The following ZBTB8A variants were observed in gnomAD, a reference collection of about 807,000 sequenced individuals.
The protein encoded by ZBTB8A is zinc finger and BTB domain-containing protein 8A.
A neutral mutation model predicts 37.8 loss-of-function variants in ZBTB8A; 19 were observed. That is an observed-to-expected ratio of 0.50 (90% confidence interval 0.35 to 0.74). The LOEUF (loss-of-function observed/expected upper bound fraction) is 0.74. Among genes scored for constraint, ZBTB8A ranks in the 30% least tolerant of loss-of-function variants. ZBTB8A has a pLI of 0.01. For synonymous variants in ZBTB8A, 181 were observed against 185.2 expected (o/e 0.98, Z 0.19); for missense variants, 394 against 537.8 (o/e 0.73, Z 2.65).
chr1:32,592,902 G>C, intron 2 of ZBTB8A, 29 bp from the exon 3 acceptor site: 1 of 1,532,414 alleles, frequency 6.5e-7, no homozygotes, highest in Non-Finnish European at 8.8e-7. Flanking sequence ...TGTAGGTTTT[G>C]GTAACCACAT....
intron 2 of ZBTB8A, among the ~76,000 whole-genome samples, chr1:32,559,681 TC>T (rs1644229070): frequency 6.6e-6 from 1 of 152,030 alleles, no homozygotes; most frequent in African/African-American, 2.4e-5. Flanking sequence ...CCCAGGCTGG[TC>T]TCCAACTCCA....
rs1399338073 is a variant in ZBTB8A, at chr1:32,605,002, A to C, written c.*4583A>C. The C allele has an allele frequency of 6.6e-6, 1 of 151,836 alleles. No individual in the cohort carries two copies. Among genetic ancestry groups the C allele is most frequent in the Non-Finnish European group, 1.5e-5 (1 of 67,998 alleles). The allele number at this position is 151,836 out of a possible 1,614,324, so 9.4% of individuals were successfully genotyped here. A position where few individuals can be genotyped will look rare whatever the true frequency, so the allele number is the denominator to read the frequency against. Reference sequence around the variant, plus strand: ...CCCGTCTCTAGTAAAAATACAAAAAATAGCTGGGCATGATGGTGGGTGCCT... The same window carrying C: ...CCCGTCTCTAGTAAAAATACAAAAACTAGCTGGGCATGATGGTGGGTGCCT... On this transcript the variant is annotated 3_prime_UTR_variant, in exon 5 of 5. Transcript: ENST00000373510.
chr1:32,576,527 C>G (rs544524201), intron 2 of ZBTB8A, among the ~76,000 whole-genome samples: 1 of 152,270 alleles, frequency 6.6e-6, no homozygotes, highest in African/African-American at 2.4e-5. Context: ...CTCCCAAGTT[C>G]AAGCGATTCT....
chr1:32,571,110 A>G (rs1005245815), intron 2 of ZBTB8A, among the ~76,000 whole-genome samples: 12 of 152,164 alleles, frequency 7.9e-5, no homozygotes, highest in Non-Finnish European at 1.6e-4. Flanking sequence ...TCCTGACCTC[A>G]GGTGATCCAC....
At chr1:32,551,899 T>G (rs1644159768) in intron 1 of ZBTB8A, among the ~76,000 whole-genome samples, 1 of 152,114 alleles carries the variant, frequency 6.6e-6, no homozygotes, top group Non-Finnish European at 1.5e-5. Flanking sequence ...ACCTGTACTT[T>G]CTTTTTTTTT....
Position 32,593,653 on chromosome 1 carries a change from C to T in ZBTB8A, c.722C>T (p.Ser241Phe). The stretch of plus-strand genomic sequence containing the variant: ...ACATCTGATTCTTCCAGCCATGTTT[C>T]CCAGTCTGAAGAACAAGCACAGATT... ...VRTSDSSSHV[S>F]QSEEQAQIDA... Residue 241 changes from serine (S) to phenylalanine (F), a missense_variant, in exon 3 of 5, where the codon TCC becomes TTC. Transcript: ENST00000373510. 1 of 1,614,138 alleles carries T rather than the reference C, an allele frequency of 6.2e-7. No individual in the cohort carries two copies. The highest frequency in any genetic ancestry group is 2.2e-5 in the East Asian group (1 of 44,878).
At chr1:32,542,947 A>G (rs1644069065) in intron 1 of ZBTB8A, among the ~76,000 whole-genome samples, 1 of 152,220 alleles carries the variant, frequency 6.6e-6, no homozygotes, top group Non-Finnish European at 1.5e-5. Context: ...ACCTAATCAC[A>G]TAATTCTGAA....
chr1:32,588,513 C>G (rs1168317406), intron 2 of ZBTB8A, among the ~76,000 whole-genome samples: 2 of 151,720 alleles, frequency 1.3e-5, no homozygotes, highest in South Asian at 4.2e-4. Context: ...GGAGAAGAAC[C>G]AGCAAAGGAG....
chr1:32,585,032 T>C (rs1053690252), intron 2 of ZBTB8A, among the ~76,000 whole-genome samples: 7 of 141,890 alleles, frequency 4.9e-5, no homozygotes, highest in East Asian at 2.0e-4. Context: ...GATTTCTTTT[T>C]TTTTTTTTTT....
At chr1:32,578,274 G>A (rs1233467047) in intron 2 of ZBTB8A, among the ~76,000 whole-genome samples, 1 of 124,778 alleles carries the variant, frequency 8.0e-6, no homozygotes, top group African/African-American at 3.1e-5. Context: ...ATGGGATTTT[G>A]CCATGTTGGG....
rs1290067353 is a variant in ZBTB8A, at chr1:32,604,083, A to T, written c.*3664A>T. 6.6e-6 allele frequency: 1 copy of T among 152,018 alleles called. No individual in the cohort carries two copies. Among genetic ancestry groups the T allele is most frequent in the Non-Finnish European group, 1.5e-5 (1 of 68,024 alleles). 9.4% of individuals were successfully genotyped at this position (152,018 alleles called of 1,614,324 possible). ...CAAGGATTTTTTTTTTAATATCAAGACTTGGTTAGACCAAAGTTTGCTCTT... is the reference window on the plus strand; with the variant it reads ...CAAGGATTTTTTTTTTAATATCAAGTCTTGGTTAGACCAAAGTTTGCTCTT... On this transcript the variant is annotated 3_prime_UTR_variant, in exon 5 of 5. Coordinates refer to ENST00000373510, the MANE Select transcript of ZBTB8A (RefSeq NM_001040441.3).
intron 2 of ZBTB8A, among the ~76,000 whole-genome samples, chr1:32,564,355 G>A (rs956941712): frequency 2.6e-5 from 4 of 152,056 alleles, no homozygotes; most frequent in East Asian, 1.9e-4. Flanking sequence ...TGATAAAACC[G>A]TAATACTTTT....
At chr1:32,591,517 C>CTG (rs1644488156) in intron 2 of ZBTB8A, among the ~76,000 whole-genome samples, 1 of 152,098 alleles carries the variant, frequency 6.6e-6, no homozygotes, top group African/African-American at 2.4e-5. Context: ...CCACCCTGGG[C>CTG]TGGAGTCTTT....
At chr1:32,570,529 C>G (rs1644315980) in intron 2 of ZBTB8A, among the ~76,000 whole-genome samples, 1 of 152,164 alleles carries the variant, frequency 6.6e-6, no homozygotes, top group East Asian at 1.9e-4. Flanking sequence ...ACTGTTTCTT[C>G]TAATTCATCT....
At chr1:32,585,932 G>C (rs1278046916) in intron 2 of ZBTB8A, among the ~76,000 whole-genome samples, 1 of 151,976 alleles carries the variant, frequency 6.6e-6, no homozygotes, top group African/African-American at 2.4e-5. Context: ...GAACCCAGGA[G>C]GTGGAGGTTG....
intron 4 of ZBTB8A, among the ~76,000 whole-genome samples, chr1:32,596,742 T>A (rs972957726): frequency 2.0e-5 from 3 of 152,236 alleles, no homozygotes; most frequent in African/African-American, 7.2e-5. Flanking sequence ...TTTAATCTCC[T>A]TCAAGACCTT....
At chr1:32,566,474 G>A (rs1311761584) in intron 2 of ZBTB8A, among the ~76,000 whole-genome samples, 3 of 147,674 alleles carry the variant, frequency 2.0e-5, no homozygotes, top group Non-Finnish European at 4.5e-5. Context: ...GCAATGAGCC[G>A]TGATAGTGCC....
At chr1:32,549,384 C>G (rs1202767571) in intron 1 of ZBTB8A, among the ~76,000 whole-genome samples, 3 of 151,774 alleles carry the variant, frequency 2.0e-5, no homozygotes, top group Non-Finnish European at 4.4e-5. Context: ...ATCCCGGCTA[C>G]TTGGGGGGCT....
chr1:32,541,783 C>T (rs1644057263), intron 1 of ZBTB8A, among the ~76,000 whole-genome samples: 1 of 152,130 alleles, frequency 6.6e-6, no homozygotes, highest in Non-Finnish European at 1.5e-5. Context: ...TTTATAAGGG[C>T]ACTAATTCCA....
Sources: gnomAD v4.1 joint callset for allele counts (sites outside exome capture counted in the v4.1 genomes callset) on GRCh38, gnomAD v4.1.1 for gene constraint, MANE v1.5 for transcripts, NCBI Gene and HGNC (gene_info 2026-07-23, HGNC 2026-07-21) for gene names.